The following FBXO16 variants were observed in gnomAD, a reference collection of about 807,000 sequenced individuals.
The protein encoded by FBXO16 is F-box protein 16.
Under a neutral mutation model 41.0 loss-of-function variants are expected in FBXO16, and 31 were observed. The ratio of observed to expected loss-of-function variants is 0.76; its 90% CI spans 0.57 to 1.02. The LOEUF is 1.02. FBXO16 is among the 50% of genes least tolerant of loss of function. FBXO16 has a pLI of 0.00. For synonymous variants in FBXO16, 133 were observed against 117.8 expected, an observed-to-expected ratio of 1.13 and a Z score of -0.84; for missense variants, 361 against 346.2, an observed-to-expected ratio of 1.04 and a Z score of -0.34.
chr8:28,439,796 G>A (rs1802738864), intron 7 of FBXO16, among the ~76,000 whole-genome samples: 1 of 151,708 alleles, frequency 6.6e-6, no homozygotes, highest in Non-Finnish European at 1.5e-5. Flanking sequence ...CACCTGAGAA[G>A]TGCATCAGAA....
chr8:28,440,335 C>T (rs1015497469), intron 7 of FBXO16, among the ~76,000 whole-genome samples: 1 of 152,074 alleles, frequency 6.6e-6, no homozygotes, highest in Non-Finnish European at 1.5e-5. Flanking sequence ...AACTCCTGGC[C>T]TCAAGCCATC....
Position 28,428,677 on chromosome 8 carries a change from A to C in FBXO16, c.*50T>G. 4.4e-6 allele frequency: 7 copies of C among 1,573,766 alleles called. No individual in the cohort carries two copies. Among genetic ancestry groups the C allele is most frequent in the Non-Finnish European group, 6.0e-6 (7 of 1,159,938 alleles). ...CAGTGTCTGGGAGTCCCACTGACTC[A>C]GGGGGAGGCCAGGCGAGATGAGCTG... On this transcript the variant is annotated 3_prime_UTR_variant, in exon 9 of 9. Coordinates refer to ENST00000380254, the MANE Select transcript of FBXO16 (RefSeq NM_172366.4).
Position 28,464,801 on chromosome 8 carries a change from G to A in FBXO16, c.136-983C>T, listed in dbSNP as rs573467157. On this transcript the variant is annotated intron_variant, in intron 3 of 8. Transcript: ENST00000380254. ...CCCGAGTAGCTGGGATTACAGGCACGCGCCACCGCACCTGGCTAACTTTAG... is the reference window on the plus strand; with the variant it reads ...CCCGAGTAGCTGGGATTACAGGCACACGCCACCGCACCTGGCTAACTTTAG... 2.4e-4 allele frequency among the ~76,000 whole-genome samples: 37 copies of A among 152,078 alleles called. 1 individual carries two copies. Among genetic ancestry groups the A allele is most frequent in the African/African-American group, 8.4e-4 (35 of 41,458 alleles).
At chr8:28,458,549 T>C (rs1440181695) in intron 4 of FBXO16, among the ~76,000 whole-genome samples, 6 of 141,564 alleles carry the variant, frequency 4.2e-5, no homozygotes, top group Admixed American at 2.1e-4. Flanking sequence ...TTCTTCTTTT[T>C]TTTTTTTTTT....
chr8:28,484,055 T>C (rs1019916939), intron 1 of FBXO16, among the ~76,000 whole-genome samples: 1 of 152,184 alleles, frequency 6.6e-6, no homozygotes, highest in East Asian at 1.9e-4. Flanking sequence ...GTCATACAGA[T>C]AGCAAGTGGT....
At chr8:28,463,225 CGT>C (rs781260166) in intron 4 of FBXO16, among the ~76,000 whole-genome samples, 91 of 135,442 alleles carry the variant, frequency 6.7e-4, no homozygotes, top group African/African-American at 1.3e-3. Flanking sequence ...TATGTGTGTC[CGT>C]GTGTGTGTTT....
In FBXO16 at chr8:28,463,633, C is replaced by T. The variant is rs1167668089; in HGVS notation, c.321G>A (p.Arg107=). 3 of 1,613,936 alleles carry T rather than the reference C, an allele frequency of 1.9e-6. No individual in the cohort carries two copies. The highest frequency in any genetic ancestry group is 1.3e-5 in the African/African-American group (1 of 74,914). The change falls in exon 4 of 9, where the codon CGG becomes CGA. Residue 107 remains arginine, a synonymous_variant. Coordinates refer to ENST00000380254, the MANE Select transcript of FBXO16 (RefSeq NM_172366.4). ...SLYIFSFLDP[R]SLCRCAQVCW... is the part of the protein sequence containing the mutation. The stretch of plus-strand genomic sequence containing the variant: ...TTACCTGTGCACAACGACAAAGGCT[C>T]CGAGGGTCCAGGAAAGAAAAGATGT...
rs752423663 is a variant in FBXO16, at chr8:28,452,470, G to A, written c.514C>T (p.Pro172Ser). The change falls in exon 6 of 9, where the codon CCA becomes TCA. Residue 172 changes from proline to serine, a missense_variant. By Grantham distance (74) the Pro-to-Ser change is moderately conservative. Transcript: ENST00000380254. ...ELHITKPKTP[P>S]KDGFVIADVQ... The stretch of plus-strand genomic sequence containing the variant: ...TCAGCGATTACAAATCCATCCTTTG[G>A]GGGTGTCTAGAAGAAGAAAGTTAAT... 1 of 1,613,602 alleles carries A rather than the reference G, an allele frequency of 6.2e-7. No individual in the cohort carries two copies.
chr8:28,459,859 T>C, intron 4 of FBXO16, among the ~76,000 whole-genome samples: 1 of 151,640 alleles, frequency 6.6e-6, no homozygotes, highest in South Asian at 2.1e-4. Context: ...AAACCCTGTC[T>C]CTAGTAAAAG....
chr8:28,454,706 C>A (rs1419926808), intron 5 of FBXO16, among the ~76,000 whole-genome samples: 1 of 123,306 alleles, frequency 8.1e-6, no homozygotes, highest in African/African-American at 3.3e-5. Context: ...CCAGCCTGGG[C>A]GACAGAGCAA....
At chr8:28,456,703 T>C (rs1803043800) in intron 5 of FBXO16, 63 bp downstream of exon 5, 1 of 1,567,760 alleles carries the variant, frequency 6.4e-7, no homozygotes, top group Non-Finnish European at 8.7e-7. Context: ...TCCTTTATTC[T>C]TAGTTCTAGA....
At chr8:28,456,054 T>G (rs560240490) in intron 5 of FBXO16, among the ~76,000 whole-genome samples, 272 of 152,360 alleles carry the variant, frequency 1.8e-3, no homozygotes, top group Middle Eastern at 3.4e-3. Context: ...GGAACTCATC[T>G]ATTGTATGAA....
At chr8:28,446,247 C>T (rs2088356) in intron 7 of FBXO16, among the ~76,000 whole-genome samples, 65,417 of 139,968 alleles carry the variant, frequency 0.47, 15,362 homozygotes, top group Middle Eastern at 0.6. Flanking sequence ...AGTGGTGCGA[C>T]CTTGGCTGAC....
At chr8:28,469,929 C>T (rs1199295566) in intron 3 of FBXO16, among the ~76,000 whole-genome samples, 3 of 126,224 alleles carry the variant, frequency 2.4e-5, no homozygotes, top group African/African-American at 9.2e-5. Context: ...ATAGGCCGGG[C>T]GCGGTGGGCT....
intron 7 of FBXO16, among the ~76,000 whole-genome samples, chr8:28,435,739 A>G (rs1489439419): frequency 2.0e-5 from 3 of 152,146 alleles, no homozygotes; most frequent in Non-Finnish European, 4.4e-5. Flanking sequence ...AAAATAGGTG[A>G]AGGGTGGGGA....
chr8:28,473,806 A>G lies in FBXO16; in HGVS notation c.101T>C (p.Val34Ala). ...AAGCAGGGCTCTTCTTTCTTCAAAT[A>G]CCTACAGTAAGTAAAAAAGAATATG... ...PLNHQLLNDR[V>A]FEERRALLGK... The change falls in exon 3 of 9, where the codon GTA becomes GCA. Residue 34 changes from valine (V) to alanine (A), a missense_variant and splice_region_variant. Coordinates refer to ENST00000380254, the MANE Select transcript of FBXO16 (RefSeq NM_172366.4). The G allele has an allele frequency of 6.3e-7, 1 of 1,598,554 alleles. No individual in the cohort carries two copies. The highest frequency in any genetic ancestry group is 1.7e-4 in the Middle Eastern group (1 of 6,012).
At chr8:28,445,123 G>C (rs531312672) in intron 7 of FBXO16, among the ~76,000 whole-genome samples, 6 of 152,142 alleles carry the variant, frequency 3.9e-5, no homozygotes, top group African/African-American at 1.4e-4. Flanking sequence ...GATGCCGTAT[G>C]CTCTTTATCA....
chr8:28,442,615 C>G (rs995902932), intron 7 of FBXO16, among the ~76,000 whole-genome samples: 2 of 152,034 alleles, frequency 1.3e-5, no homozygotes, highest in Non-Finnish European at 2.9e-5. Flanking sequence ...AACTCCTGAC[C>G]TCAGGTGATC....
intron 7 of FBXO16, among the ~76,000 whole-genome samples, chr8:28,430,434 T>C (rs1467848702): frequency 1.3e-5 from 2 of 152,160 alleles, no homozygotes; most frequent in Non-Finnish European, 2.9e-5. Context: ...GGTGCAGACA[T>C]GTTTGTTGAT....
Sources: allele counts gnomAD v4.1 joint callset (sites outside exome capture counted in the v4.1 genomes callset), GRCh38; gene constraint gnomAD v4.1.1; transcripts MANE v1.5; gene names NCBI Gene and HGNC (gene_info 2026-07-23, HGNC 2026-07-21).